Variants in PIEZO1 observed in about 807,000 individuals in gnomAD.
PIEZO1 encodes piezo-type mechanosensitive ion channel component 1.
PIEZO1 carries 296 observed loss-of-function variants against 297.2 expected under a neutral mutation model. The ratio of observed to expected loss-of-function variants is 1.00; its 90% CI spans 0.91 to 1.10. The LOEUF (loss-of-function observed/expected upper bound fraction) is 1.10, where lower values mean the gene tolerates loss of function less well. Ranked by LOEUF, PIEZO1 falls within the 50% of genes least tolerant of loss-of-function variation. The probability of loss-of-function intolerance (pLI) is 0.00; values close to 1 mark genes in which losing one functional copy is unlikely to be tolerated. For synonymous variants in PIEZO1, 2,427 were observed against 1,507.5 expected, an observed-to-expected ratio of 1.61 and a Z score of -14.13; for missense variants, 5,018 against 3,455.5, an observed-to-expected ratio of 1.45 and a Z score of -11.34.
rs66881450 is a variant in PIEZO1, at chr16:88,737,517, G to GCC, written c.1195+40_1195+41dup. 7.0e-4 allele frequency: 959 copies of GCC among 1,361,972 alleles called. 5 individuals carry two copies. The highest frequency in any genetic ancestry group is 8.7e-4 in the Non-Finnish European group (865 of 997,222). The allele number at this position is 1,361,972 out of a possible 1,614,324, so 84.4% of individuals were successfully genotyped here. A position where few individuals can be genotyped will look rare whatever the true frequency, so the allele number is the denominator to read the frequency against. On this transcript the variant is annotated intron_variant, in intron 10 of 50. Coordinates refer to ENST00000301015, the MANE Select transcript of PIEZO1 (RefSeq NM_001142864.4). Reference sequence around the variant, plus strand: ...AGGGGGCAGCACCGGCCTCCGCCCCGCCCCCCGCACCCAGCCATACCTTGC... The same window carrying GCC: ...AGGGGGCAGCACCGGCCTCCGCCCCGCCCCCCCCGCACCCAGCCATACCTTGC...
Position 88,732,391 on chromosome 16 carries a change from G to T in PIEZO1, c.2935C>A (p.Leu979Met). The change falls in exon 21 of 51, where the codon CTG (leucine) becomes ATG (methionine). Residue 979 changes from leucine to methionine, a missense_variant. Transcript: ENST00000301015. Reference protein sequence around the residue: ...SGTRQQLDQDLLGCLKYFINF... With the variant: ...SGTRQQLDQDMLGCLKYFINF... ...ATGAAGTACTTGAGGCAGCCGAGCAGATCCTGGTCCAGCTGCTGGCGGGTG... is the reference window on the plus strand; with the variant it reads ...ATGAAGTACTTGAGGCAGCCGAGCATATCCTGGTCCAGCTGCTGGCGGGTG... 1 of 1,549,830 alleles carries T rather than the reference G, an allele frequency of 6.5e-7. No homozygotes were observed. Among genetic ancestry groups the T allele is most frequent in the Non-Finnish European group, 8.7e-7 (1 of 1,146,568 alleles).
rs1912343160 is a variant in PIEZO1 at position 88,720,364 on chromosome 16, T to A, written c.5949+21A>T. 5 of 1,550,280 alleles carry A rather than the reference T, an allele frequency of 3.2e-6. No individual in the cohort carries two copies. The East Asian group carries it at 1.2e-4, about 38-fold the overall frequency. ...TGCTGAGCTCTGCGTACACTGGGTTTGGGTCCCGGGCCTGGCTCACCCCAA... is the reference window on the plus strand; with the variant it reads ...TGCTGAGCTCTGCGTACACTGGGTTAGGGTCCCGGGCCTGGCTCACCCCAA... On this transcript the variant is annotated intron_variant, in intron 41 of 50. Coordinates refer to ENST00000301015, the MANE Select transcript of PIEZO1 (RefSeq NM_001142864.4).
chr16:88,722,171 C>A, intron 36 of PIEZO1, 47 bp downstream of exon 36: 1 of 1,529,128 alleles, frequency 6.5e-7, no homozygotes, highest in Non-Finnish European at 8.8e-7. Flanking sequence ...TTCGGCTGCT[C>A]CCCGAGGGCC....
chr16:88,781,678 G>A (rs1325464082), intron 1 of PIEZO1, among the ~76,000 whole-genome samples: 2 of 152,246 alleles, frequency 1.3e-5, no homozygotes, highest in Admixed American at 6.5e-5. Context: ...TGCAGGTCCT[G>A]AGACCCGGGC....
At chr16:88,782,606 A>C (rs1029234393) in intron 1 of PIEZO1, among the ~76,000 whole-genome samples, 1 of 152,214 alleles carries the variant, frequency 6.6e-6, no homozygotes, top group African/African-American at 2.4e-5. Flanking sequence ...AACCCTCACC[A>C]GGCACTGTCT....
Position 88,725,031 on chromosome 16 carries a change from C to A in PIEZO1, c.4212G>T (p.Arg1404=). ...TACCTGTGGCGTGGTCCAGCCAGGG[C>A]CGCCACCACTGCCTCCGTGGCGGGG... The part of the protein sequence containing the change: ...GSSPPRRQWW[R]PWLDHATVIH... The change falls in exon 30 of 51, where the codon CGG becomes CGT. Residue 1404 remains arginine, a synonymous_variant. Transcript: ENST00000301015. 1 of 1,497,208 alleles carries A rather than the reference C, an allele frequency of 6.7e-7. No individual in the cohort carries two copies. The highest frequency in any genetic ancestry group is 8.9e-7 in the Non-Finnish European group (1 of 1,125,040). 92.7% of individuals were successfully genotyped at this position (1,497,208 alleles called of 1,614,324 possible).
chr16:88,744,793 G>A (rs985784982), intron 2 of PIEZO1, among the ~76,000 whole-genome samples: 12 of 152,104 alleles, frequency 7.9e-5, no homozygotes, highest in South Asian at 4.2e-4. Flanking sequence ...TCCTGGCCAC[G>A]TGGCACGCCC....
chr16:88,725,998 C>A (rs1241689087), intron 27 of PIEZO1: 9 of 566,974 alleles, frequency 1.6e-5, no homozygotes, highest in Admixed American at 3.3e-5. Context: ...AGTGGCCCTC[C>A]CGCTGGTGGA....
chr16:88,732,284 C>G (rs903527416), intron 21 of PIEZO1, 51 bp downstream of exon 21: 22 of 1,473,878 alleles, frequency 1.5e-5, no homozygotes, highest in Admixed American at 4.0e-5. Flanking sequence ...GCCGTCCCTC[C>G]CTCCCGAAGG....
chr16:88,743,588 T>C (rs1458427282), intron 2 of PIEZO1: 2 of 456,622 alleles, frequency 4.4e-6, no homozygotes, highest in Admixed American at 4.7e-5. Flanking sequence ...TCCACTCTGT[T>C]CAGTTTTTTG....
At chr16:88,737,028 C>G (rs1467493289) in intron 10 of PIEZO1, 1 of 337,444 alleles carries the variant, frequency 3.0e-6, no homozygotes, top group Admixed American at 4.7e-5. Flanking sequence ...TCTCAGGACC[C>G]CCACCCCAGG....
In PIEZO1 at chr16:88,732,464, C is replaced by T; in HGVS notation, c.2862G>A (p.Arg954=). 2 of 1,549,406 alleles carry T rather than the reference C, an allele frequency of 1.3e-6. No homozygotes were observed. Among genetic ancestry groups the T allele is most frequent in the Non-Finnish European group, 1.7e-6 (2 of 1,146,340 alleles). Residue 954 remains arginine (R), a synonymous_variant, in exon 21 of 51, where the codon CGG becomes CGA. Coordinates refer to ENST00000301015, the MANE Select transcript of PIEZO1 (RefSeq NM_001142864.4). ...IVYRRQEHYR[R]QHQLAPLPAQ... ...CAGGCAGCGGGGCCAGCTGGTGCTG[C>T]CGGCGGTAGTGCTCCTGGCGCCGGT...
intron 30 of PIEZO1, 53 bp from the exon 31 acceptor site, chr16:88,724,024 C>T (rs1904306293): frequency 9.1e-7 from 1 of 1,103,602 alleles, no homozygotes; most frequent in African/African-American, 1.5e-5. Flanking sequence ...GACTCCCAGC[C>T]AGACCCCCTC....
intron 27 of PIEZO1, 111 bp downstream of exon 27, chr16:88,726,173 G>C (rs972330556): frequency 1.2e-6 from 1 of 858,618 alleles, no homozygotes; most frequent in South Asian, 1.8e-5. Flanking sequence ...ATGTCACAGA[G>C]TGGCAGAGCC....
At chr16:88,738,478 T>C (rs1002560480) in intron 6 of PIEZO1, 38 bp from the exon 7 acceptor site, 36 of 1,531,376 alleles carry the variant, frequency 2.4e-5, no homozygotes, top group Non-Finnish European at 3.1e-5. Context: ...ACCTGGCCAG[T>C]GCCATGTGTC....
At position 88,715,573 on chromosome 16, in the gene PIEZO1, G is replaced by A. The variant is rs943315603; in HGVS notation, c.*32C>T. The A allele has an allele frequency of 7.1e-6, 11 of 1,541,024 alleles. No individual in the cohort carries two copies. Among genetic ancestry groups the A allele is most frequent in the Non-Finnish European group, 3.5e-6 (4 of 1,142,650 alleles). On this transcript the variant is annotated 3_prime_UTR_variant, in exon 51 of 51. Coordinates refer to ENST00000301015, the MANE Select transcript of PIEZO1 (RefSeq NM_001142864.4). Reference sequence around the variant, plus strand: ...TGTGGCCACGCTGCCCAGCAGGCCGGCTCCTTCCCTCTCGGGCGCCAGCAG... The same window carrying A: ...TGTGGCCACGCTGCCCAGCAGGCCGACTCCTTCCCTCTCGGGCGCCAGCAG...
Position 88,732,565 on chromosome 16 carries a change from GGGTA to G in PIEZO1, c.2791-34_2791-31del, listed in dbSNP as rs1904932951. On this transcript the variant is annotated intron_variant, in intron 20 of 50. Coordinates refer to ENST00000301015, the MANE Select transcript of PIEZO1 (RefSeq NM_001142864.4). Reference sequence around the variant, plus strand: ...GGAGGGCAAGGGTCAGGGGGCAGCCGGGTACTCGCCCGCCCAGCCGCCCACCAGC... The same window carrying G: ...GGAGGGCAAGGGTCAGGGGGCAGCCGCTCGCCCGCCCAGCCGCCCACCAGC... The G allele has an allele frequency of 2.6e-6, 4 of 1,542,684 alleles. No individual in the cohort carries two copies. In the South Asian group the frequency reaches 4.8e-5, roughly 18 times the overall value.
In PIEZO1 at chr16:88,721,285, G is replaced by C; in HGVS notation, c.5549C>G (p.Pro1850Arg). ...TTGGGGTTCTGGGGTCCCGTCCGTG[G>C]GTCCGACCCTGGCTTCCACCTGAAT... Reference protein sequence around the residue: ...DHIQVEARVGPTDGTPEPQVE... With the variant: ...DHIQVEARVGRTDGTPEPQVE... Residue 1850 changes from proline (P) to arginine (R), a missense_variant, in exon 39 of 51, where the codon CCC becomes CGC. Pro to Arg is a moderately radical substitution (Grantham distance 103). Transcript: ENST00000301015. The C allele has an allele frequency of 6.5e-7, 1 of 1,544,784 alleles. No homozygotes were observed.
chr16:88,727,501 G>A (rs996714500), intron 23 of PIEZO1, 56 bp downstream of exon 23: 4 of 699,212 alleles, frequency 5.7e-6, no homozygotes, highest in African/African-American at 5.4e-5. Context: ...AGATTTGGGG[G>A]CGTGAATGTA....
Sources: gnomAD v4.1 joint callset for allele counts (sites outside exome capture counted in the v4.1 genomes callset) on GRCh38, gnomAD v4.1.1 for gene constraint, MANE v1.5 for transcripts, NCBI Gene and HGNC (gene_info 2026-07-23, HGNC 2026-07-21) for gene names.